EFHD1: variants seen among roughly 807,000 people sequenced by gnomAD.
The protein encoded by EFHD1 is EF-hand domain-containing protein D1.
Under a neutral mutation model 17.2 loss-of-function variants are expected in EFHD1, and 10 were observed. That is an observed-to-expected ratio of 0.58 (90% CI 0.36 to 0.99). EFHD1 has a LOEUF of 0.99. Ranked by LOEUF, EFHD1 falls within the 50% of genes least tolerant of loss-of-function variation. The pLI, the probability that EFHD1 is intolerant of heterozygous loss-of-function variation, is 0.01. For missense variants in EFHD1, 310 were observed against 327.5 expected (o/e 0.95, Z 0.41); for synonymous variants, 153 against 142.0 (o/e 1.08, Z -0.55).
intron 2 of EFHD1, among the ~76,000 whole-genome samples, chr2:232,669,619 T>TA (rs71296814): frequency 3.3e-5 from 5 of 150,414 alleles, no homozygotes; most frequent in Admixed American, 2.6e-4. Context: ...TTTTTTTTTT[T>TA]AGACAGAGTC....
intron 2 of EFHD1, among the ~76,000 whole-genome samples, chr2:232,666,106 A>G (rs1694962780): frequency 6.6e-6 from 1 of 152,208 alleles, no homozygotes; most frequent in African/African-American, 2.4e-5. Context: ...GCCATGATGA[A>G]CTGGGCTTGT....
intron 1 of EFHD1, among the ~76,000 whole-genome samples, chr2:232,628,299 G>A (rs1361436007): frequency 6.6e-6 from 1 of 152,120 alleles, no homozygotes; most frequent in South Asian, 2.1e-4. Flanking sequence ...GACCTCAGAT[G>A]ATCTACCTAC....
rs373102460 is a variant in EFHD1, at chr2:232,672,401, C to T, written c.543C>T (p.Ala181=). The change falls in exon 3 of 4, where the codon GCC becomes GCT. Residue 181 remains alanine (A), a synonymous_variant. Coordinates refer to ENST00000264059, the MANE Select transcript of EFHD1 (RefSeq NM_025202.4). ...ALAKLSEIDV[A]LEGVKGAKNF... Reference sequence around the variant, plus strand: ...CAAAGCTTTCTGAGATCGATGTGGCCCTGGAGGGTGTCAAAGGTGCCAAGA... The same window carrying T: ...CAAAGCTTTCTGAGATCGATGTGGCTCTGGAGGGTGTCAAAGGTGCCAAGA... The T allele has an allele frequency of 2.0e-4, 323 of 1,612,832 alleles. 1 individual carries two copies. Among genetic ancestry groups the T allele is most frequent in the Non-Finnish European group, 2.7e-4 (318 of 1,179,524 alleles).
In EFHD1 at chr2:232,614,072, A is replaced by ATACATATACACACATGCACACACG. The variant is rs1491379517; in HGVS notation, c.14+7900_14+7901insACATATACACACATGCACACACGT. On this transcript the variant is annotated intron_variant, in intron 1 of 3. Transcript: ENST00000409613. ...CACACATACATACACATGCACACAC[A>ATACATATACACACATGCACACACG]TTATACACACATATATACACACATA... 4.3e-4 allele frequency among the ~76,000 whole-genome samples: 65 copies of ATACATATACACACATGCACACACG among 151,816 alleles called. 1 individual carries two copies. The highest frequency in any genetic ancestry group is 7.5e-4 in the Non-Finnish European group (51 of 67,884).
At chr2:232,626,754 CA>C (rs1694109323) in intron 1 of EFHD1, among the ~76,000 whole-genome samples, 7 of 152,122 alleles carry the variant, frequency 4.6e-5, no homozygotes, top group Admixed American at 4.6e-4. Flanking sequence ...CCTGGAAGCA[CA>C]GCTGACAATC....
At chr2:232,659,500 T>C (rs1694819009) in intron 1 of EFHD1, among the ~76,000 whole-genome samples, 1 of 152,104 alleles carries the variant, frequency 6.6e-6, no homozygotes, top group South Asian at 2.1e-4. Flanking sequence ...TTGGCCACTG[T>C]GGCTGGAAGG....
intron 1 of EFHD1, among the ~76,000 whole-genome samples, chr2:232,612,965 T>A (rs1174075903): frequency 6.6e-6 from 1 of 152,032 alleles, no homozygotes; most frequent in Non-Finnish European, 1.5e-5. Flanking sequence ...ACTCGTGACC[T>A]CAGGTGATCC....
At chr2:232,658,033 T>C (rs1259544065) in intron 1 of EFHD1, among the ~76,000 whole-genome samples, 1 of 150,450 alleles carries the variant, frequency 6.6e-6, no homozygotes, top group East Asian at 2.0e-4. Flanking sequence ...CCTGAGTAGC[T>C]GAGATTACAG....
chr2:232,674,640 G>A (rs1695138599), intron 3 of EFHD1, among the ~76,000 whole-genome samples: 3 of 152,262 alleles, frequency 2.0e-5, no homozygotes, highest in Non-Finnish European at 4.4e-5. Flanking sequence ...AGGCAGAGTA[G>A]GTATGATATC....
At chr2:232,623,355 T>C (rs769142621) in intron 1 of EFHD1, among the ~76,000 whole-genome samples, 19 of 152,142 alleles carry the variant, frequency 1.2e-4, no homozygotes, top group Non-Finnish European at 2.6e-4. Flanking sequence ...CTAGAAAATT[T>C]TCAATTCAAA....
rs1289747016 is a variant in EFHD1 at position 232,655,028 on chromosome 2, CT to C, written c.303-7771del. On this transcript the variant is annotated intron_variant, in intron 1 of 3. Transcript: ENST00000264059. ...TCACTCTCCTTCCTTTCTGCTCACT[CT>C]TTGTTCATGTCCCAAATGATTGGCG... 4.6e-5 allele frequency among the ~76,000 whole-genome samples: 7 copies of C among 152,328 alleles called. No individual in the cohort carries two copies. The East Asian group carries it at 1.3e-3, about 29-fold the overall frequency.
chr2:232,632,016 A>C (rs1694211514), upstream of EFHD1, among the ~76,000 whole-genome samples: 1 of 151,808 alleles, frequency 6.6e-6, no homozygotes, highest in Non-Finnish European at 1.5e-5. Flanking sequence ...AAAAAAAAAA[A>C]GTTTTTAAAA....
intron 1 of EFHD1, among the ~76,000 whole-genome samples, chr2:232,612,592 T>G (rs1012834386): frequency 6.6e-6 from 1 of 152,092 alleles, no homozygotes; most frequent in African/African-American, 2.4e-5. Context: ...TCCACCCCAT[T>G]GGAGTGGCTG....
At chr2:232,655,813 T>A (rs1431421841) in intron 1 of EFHD1, among the ~76,000 whole-genome samples, 1 of 49,052 alleles carries the variant, frequency 2.0e-5, no homozygotes, top group Non-Finnish European at 6.8e-5. Flanking sequence ...TTTTTTTTTT[T>A]TTTTTTTTTT....
At chr2:232,615,096 C>A (rs149162265) in intron 1 of EFHD1, among the ~76,000 whole-genome samples, 325 of 152,196 alleles carry the variant, frequency 2.1e-3, no homozygotes, top group African/African-American at 7.4e-3. Context: ...CTCAAGCAAT[C>A]CTCCCACCTT....
At chr2:232,641,475 T>C (rs983590092) in intron 1 of EFHD1, among the ~76,000 whole-genome samples, 1 of 152,204 alleles carries the variant, frequency 6.6e-6, no homozygotes, top group African/African-American at 2.4e-5. Flanking sequence ...TTATGGAGGC[T>C]AGGAGATGGG....
At chr2:232,613,415 C>T (rs1414225129) in intron 1 of EFHD1, among the ~76,000 whole-genome samples, 1 of 152,116 alleles carries the variant, frequency 6.6e-6, no homozygotes, top group East Asian at 1.9e-4. Context: ...CAGAGCAAGA[C>T]TCTGTCTCAA....
chr2:232,645,413 C>T (rs766140079), intron 1 of EFHD1, among the ~76,000 whole-genome samples: 1 of 152,178 alleles, frequency 6.6e-6, no homozygotes, highest in East Asian at 1.9e-4. Context: ...GACATCTCCA[C>T]CCCCAGGTTT....
intron 3 of EFHD1, among the ~76,000 whole-genome samples, chr2:232,674,707 CA>C (rs1695139197): frequency 6.6e-6 from 1 of 151,990 alleles, no homozygotes; most frequent in Admixed American, 6.6e-5. Flanking sequence ...GCATGGATGA[CA>C]AATGGAGGGC....
Sources: gnomAD v4.1 joint callset for allele counts (sites outside exome capture counted in the v4.1 genomes callset) on GRCh38, gnomAD v4.1.1 for gene constraint, MANE v1.5 for transcripts, NCBI Gene and HGNC (gene_info 2026-07-23, HGNC 2026-07-21) for gene names.